The following SERTM1 variants were observed in gnomAD, a reference collection of about 807,000 sequenced individuals.
The protein encoded by SERTM1 is serine-rich and transmembrane domain-containing protein 1.
SERTM1 carries 1 observed loss-of-function variant against 5.5 expected under a neutral mutation model. That is an observed-to-expected ratio of 0.18 (90% CI 0.06 to 0.86). The LOEUF (loss-of-function observed/expected upper bound fraction) is 0.86. SERTM1 is among the 40% of genes least tolerant of loss of function. The pLI, the probability that SERTM1 is intolerant of heterozygous loss-of-function variation, is 0.69. For missense variants in SERTM1, 91 were observed against 122.4 expected (o/e 0.74, Z 1.21); for synonymous variants, 52 against 55.1 (o/e 0.94, Z 0.25).
intron 1 of SERTM1, among the ~76,000 whole-genome samples, chr13:36,679,750 T>C (rs1382794504): frequency 6.6e-6 from 1 of 152,234 alleles, no homozygotes; most frequent in Non-Finnish European, 1.5e-5. Flanking sequence ...GTATTAATGA[T>C]GTCATATCTT....
rs529391005 is a variant in SERTM1, at chr13:36,690,925, C to A, written c.-173-3981C>A. On this transcript the variant is annotated intron_variant, in intron 1 of 1. Coordinates refer to ENST00000315190, the MANE Select transcript of SERTM1 (RefSeq NM_203451.3). The stretch of plus-strand genomic sequence containing the variant: ...GATATGGCATCTAACAGCCAGGCCA[C>A]TCTTTAAATATAAAGTCCGCAAGGG... Among the ~76,000 whole-genome samples the A allele has an allele frequency of 2.3e-3, 345 of 152,342 alleles. 2 individuals are homozygous for A. The highest frequency in any genetic ancestry group is 7.1e-3 in the Admixed American group (108 of 15,300).
At chr13:36,693,047 A>T (rs1331355393) in intron 1 of SERTM1, among the ~76,000 whole-genome samples, 1 of 152,154 alleles carries the variant, frequency 6.6e-6, no homozygotes, top group East Asian at 1.9e-4. Context: ...TCCCACCAAA[A>T]CCTTAGAGAA....
intron 1 of SERTM1, among the ~76,000 whole-genome samples, chr13:36,694,487 C>G (rs2056799916): frequency 6.6e-6 from 1 of 152,128 alleles, no homozygotes; most frequent in African/African-American, 2.4e-5. Flanking sequence ...CCAAAGTGTG[C>G]TAGAGGGATT....
intron 1 of SERTM1, among the ~76,000 whole-genome samples, chr13:36,677,673 G>T (rs2056678732): frequency 6.6e-6 from 1 of 152,128 alleles, no homozygotes; most frequent in Non-Finnish European, 1.5e-5. Context: ...CTTCATTCAG[G>T]GAACATTCAA....
chr13:36,696,264 C>T lies in SERTM1; in HGVS notation c.*862C>T, dbSNP rs1309127660. 2.4e-5 allele frequency: 4 copies of T among 166,774 alleles called. No homozygotes were observed. Among genetic ancestry groups the T allele is most frequent in the African/African-American group, 9.7e-5 (4 of 41,402 alleles). The allele number at this position is 166,774 out of a possible 1,614,324, so 10.3% of individuals were successfully genotyped here. A position where few individuals can be genotyped will look rare whatever the true frequency, so the allele number is the denominator to read the frequency against. On this transcript the variant is annotated 3_prime_UTR_variant, in exon 2 of 2. Coordinates refer to ENST00000315190, the MANE Select transcript of SERTM1 (RefSeq NM_203451.3). Reference sequence around the variant, plus strand: ...AATATTCATTTAGTTGTATTTTATACAGTAATAACTCTTAGCTGTCGTGTA... The same window carrying T: ...AATATTCATTTAGTTGTATTTTATATAGTAATAACTCTTAGCTGTCGTGTA...
intron 1 of SERTM1, among the ~76,000 whole-genome samples, chr13:36,678,780 T>C (rs143936113): frequency 0.015 from 2,276 of 151,808 alleles, 65 homozygotes; most frequent in African/African-American, 0.051. Flanking sequence ...CTTTGACTCA[T>C]GGACATTTTA....
chr13:36,685,487 T>G (rs944654714), intron 1 of SERTM1, among the ~76,000 whole-genome samples: 1 of 152,134 alleles, frequency 6.6e-6, no homozygotes, highest in Non-Finnish European at 1.5e-5. Context: ...CAATTTCAGG[T>G]CCCTACCTGT....
At chr13:36,676,132 A>G (rs1463187121) in intron 1 of SERTM1, among the ~76,000 whole-genome samples, 1 of 152,068 alleles carries the variant, frequency 6.6e-6, no homozygotes, top group Non-Finnish European at 1.5e-5. Context: ...TCCACGAGAG[A>G]GTTTATTTGC....
At chr13:36,679,207 T>C (rs561388837) in intron 1 of SERTM1, among the ~76,000 whole-genome samples, 3 of 152,284 alleles carry the variant, frequency 2.0e-5, no homozygotes, top group African/African-American at 7.2e-5. Context: ...AAGTCTGAAA[T>C]GTCCCAAAAT....
rs776283099 is a variant in SERTM1, at chr13:36,695,056, T to C, written c.-23T>C. ...GAAGTTTTGACTTTAATCTACCAGA[T>C]CACTCCTTCACCCTCCATAAAGATG... On this transcript the variant is annotated 5_prime_UTR_variant, in exon 2 of 2. Coordinates refer to ENST00000315190, the MANE Select transcript of SERTM1 (RefSeq NM_203451.3). 2.5e-6 allele frequency: 4 copies of C among 1,574,386 alleles called. No individual in the cohort carries two copies. The highest frequency in any genetic ancestry group is 3.5e-6 in the Non-Finnish European group (4 of 1,151,272).
chr13:36,684,542 C>G (rs1428940278), intron 1 of SERTM1, among the ~76,000 whole-genome samples: 2 of 151,960 alleles, frequency 1.3e-5, no homozygotes, highest in African/African-American at 2.4e-5. Context: ...CCTGGGTTTG[C>G]CTTCCTCTGC....
chr13:36,683,409 T>G (rs1593393827), intron 1 of SERTM1, among the ~76,000 whole-genome samples: 1 of 152,302 alleles, frequency 6.6e-6, no homozygotes, highest in East Asian at 1.9e-4. Context: ...TTATTTATGG[T>G]CAAATTCTTA....
rs898905517 is a variant in SERTM1, at chr13:36,697,633, C to T, written c.*2231C>T. 2 of 166,966 alleles carry T rather than the reference C, an allele frequency of 1.2e-5. No homozygotes were observed. The highest frequency in any genetic ancestry group is 4.8e-5 in the African/African-American group (2 of 41,418). The allele number at this position is 166,966 out of a possible 1,614,324, so 10.3% of individuals were successfully genotyped here. A position where few individuals can be genotyped will look rare whatever the true frequency, so the allele number is the denominator to read the frequency against. On this transcript the variant is annotated 3_prime_UTR_variant, in exon 2 of 2. Transcript: ENST00000315190. Reference sequence around the variant, plus strand: ...AAATCAAATCAAATCCACAAGCACACTCCCATTCCTCCCCTGCCGCAATGG... The same window carrying T: ...AAATCAAATCAAATCCACAAGCACATTCCCATTCCTCCCCTGCCGCAATGG...
chr13:36,692,907 T>G (rs2056788554), intron 1 of SERTM1, among the ~76,000 whole-genome samples: 1 of 152,244 alleles, frequency 6.6e-6, no homozygotes, highest in African/African-American at 2.4e-5. Context: ...CATGTCAGTT[T>G]TCTCATCTCC....
intron 1 of SERTM1, among the ~76,000 whole-genome samples, chr13:36,691,529 G>A (rs571431231): frequency 3.3e-5 from 5 of 152,230 alleles, no homozygotes; most frequent in East Asian, 3.9e-4. Flanking sequence ...GGTTGACCAT[G>A]AGCTAAAACA....
intron 1 of SERTM1, among the ~76,000 whole-genome samples, chr13:36,681,526 G>A (rs2056704987): frequency 6.6e-6 from 1 of 152,206 alleles, no homozygotes; most frequent in Non-Finnish European, 1.5e-5. Flanking sequence ...TTAGCATTGA[G>A]ATGGAGTAGC....
Position 36,674,200 on chromosome 13 carries a change from T to G in SERTM1, c.-174+16T>G, listed in dbSNP as rs2056655513. The stretch of plus-strand genomic sequence containing the variant: ...TGACCTGCAGGTCAGTGAGGGAAAC[T>G]TGCAGGGTCCCGAGCTCTGGGGGTG... On this transcript the variant is annotated intron_variant, in intron 1 of 1. Transcript: ENST00000315190. 6.6e-6 allele frequency: 1 copy of G among 152,038 alleles called. No homozygotes were observed. The highest frequency in any genetic ancestry group is 2.4e-5 in the African/African-American group (1 of 41,388). 9.4% of individuals were successfully genotyped at this position (152,038 alleles called of 1,614,324 possible).
At chr13:36,686,219 C>T (rs1413237663) in intron 1 of SERTM1, among the ~76,000 whole-genome samples, 1 of 152,218 alleles carries the variant, frequency 6.6e-6, no homozygotes, top group Non-Finnish European at 1.5e-5. Flanking sequence ...CTAGTTCATC[C>T]TCTGATGCTT....
At chr13:36,690,944 G>A (rs764888277) in intron 1 of SERTM1, among the ~76,000 whole-genome samples, 4 of 152,262 alleles carry the variant, frequency 2.6e-5, no homozygotes, top group African/African-American at 4.8e-5. Context: ...TATAAAGTCC[G>A]CAAGGGAACA....
Sources: gnomAD v4.1 joint callset for allele counts (sites outside exome capture counted in the v4.1 genomes callset) on GRCh38, gnomAD v4.1.1 for gene constraint, MANE v1.5 for transcripts, NCBI Gene and HGNC (gene_info 2026-07-23, HGNC 2026-07-21) for gene names.